Variants in DEPDC5 observed in about 807,000 individuals in gnomAD.
The protein encoded by DEPDC5 is GATOR1 complex protein DEPDC5.
Under a neutral mutation model 217.3 loss-of-function variants are expected in DEPDC5, and 73 were observed. The ratio of observed to expected loss-of-function variants is 0.34; its 90% CI spans 0.28 to 0.41. DEPDC5 has a LOEUF of 0.41. DEPDC5 is among the 10% of genes least tolerant of loss of function. The probability of loss-of-function intolerance (pLI) is 1.00; values close to 1 mark genes in which losing one functional copy is unlikely to be tolerated. For missense variants in DEPDC5, 1,675 were observed against 2,070.1 expected (o/e 0.81, Z 3.70); for synonymous variants, 733 against 756.7 (o/e 0.97, Z 0.51).
chr22:31,798,785 C>T (rs1267896877), intron 14 of DEPDC5, 129 bp downstream of exon 14: 1 of 801,538 alleles, frequency 1.2e-6, no homozygotes, highest in East Asian at 2.9e-5. Flanking sequence ...CAGGACCAGT[C>T]CACAGAATAA....
chr22:31,870,564 A>C (rs1223098247), intron 33 of DEPDC5, 26 bp from the exon 34 acceptor site: 2 of 1,473,598 alleles, frequency 1.4e-6, no homozygotes, highest in African/African-American at 1.4e-5. Context: ...TTTGGAATCA[A>C]GTATTCATTT....
rs200787865 is a variant in DEPDC5, at chr22:31,792,726, T to C, written c.695-19T>C. ...TCTCTTCTCAGCCTGAACTACATAC[T>C]CCGTTTTCTCTATTTCAGATGAATT... On this transcript the variant is annotated intron_variant, in intron 11 of 42. Transcript: ENST00000651528. The C allele has an allele frequency of 2.0e-6, 3 of 1,522,546 alleles. No individual in the cohort carries two copies. Among genetic ancestry groups the C allele is most frequent in the African/African-American group, 2.9e-5 (2 of 69,012 alleles). The allele number at this position is 1,522,546 out of a possible 1,614,324, so 94.3% of individuals were successfully genotyped here.
intron 8 of DEPDC5, among the ~76,000 whole-genome samples, chr22:31,778,899 T>C (rs1217165784): frequency 2.6e-5 from 4 of 152,180 alleles, no homozygotes; most frequent in African/African-American, 9.6e-5. Context: ...TAAAGACATA[T>C]TTGGTTGTCA....
rs1441286725 is a variant in DEPDC5 at position 31,785,095 on chromosome 22, G to T, written c.624+220G>T. ...TAAAAGACTGAAAACTTTCCCCCAA[G>T]ATCAGTAACAAGGTAAGTATGCTTG... On this transcript the variant is annotated intron_variant, in intron 10 of 42. Transcript: ENST00000651528. 8.6e-6 allele frequency: 4 copies of T among 463,226 alleles called. No individual in the cohort carries two copies. In the East Asian group the frequency reaches 1.5e-4, roughly 17 times the overall value. The allele number at this position is 463,226 out of a possible 1,614,324, so 28.7% of individuals were successfully genotyped here. A position where few individuals can be genotyped will look rare whatever the true frequency, so the allele number is the denominator to read the frequency against.
At chr22:31,803,500 C>T (rs560750366) in intron 15 of DEPDC5, among the ~76,000 whole-genome samples, 7 of 152,226 alleles carry the variant, frequency 4.6e-5, no homozygotes, top group African/African-American at 1.7e-4. Context: ...GCATGAGCCA[C>T]CACACCCAGC....
At position 31,837,015 on chromosome 22, in the gene DEPDC5, C is replaced by T. The variant is rs773896963; in HGVS notation, c.2214C>T (p.Cys738=). The T allele has an allele frequency of 3.7e-6, 6 of 1,613,968 alleles. No homozygotes were observed. The African/African-American group carries it at 8.0e-5, about 22-fold the overall frequency. The part of the protein sequence containing the change: ...SAPPVVPGFC[C]TVGVDWKSLT... ...CCCCTGTAGTGCCAGGCTTCTGTTG[C>T]ACAGTTGGAGTGGACTGGAAGTCTC... Residue 738 remains cysteine, a synonymous_variant, in exon 26 of 43, where the codon TGC becomes TGT. Transcript: ENST00000651528.
intron 14 of DEPDC5, 66 bp from the exon 15 acceptor site, chr22:31,802,638 C>G (rs1048778658): frequency 1.0e-5 from 15 of 1,439,376 alleles, no homozygotes; most frequent in Non-Finnish European, 1.4e-5. Flanking sequence ...TGTAGAGATG[C>G]TTGTCTGTGA....
At chr22:31,816,071 G>A (rs575822879) in intron 21 of DEPDC5, 24 of 961,900 alleles carry the variant, frequency 2.5e-5, no homozygotes, top group Non-Finnish European at 2.8e-5. Flanking sequence ...AGGCCAAGGC[G>A]GGTGGATCAC....
intron 12 of DEPDC5, 24 bp from the exon 13 acceptor site, chr22:31,797,576 A>G (rs763338137): frequency 6.9e-6 from 11 of 1,593,722 alleles, no homozygotes; most frequent in East Asian, 2.2e-5. Context: ...CTCAATATCC[A>G]TTTTATGATA....
At chr22:31,842,402 C>A (rs2091447980) in intron 27 of DEPDC5, among the ~76,000 whole-genome samples, 7 of 151,968 alleles carry the variant, frequency 4.6e-5, no homozygotes. Context: ...ATGGAGAAAC[C>A]CCGTCTCCAC....
chr22:31,870,797 T>G (rs2092819012), intron 34 of DEPDC5, 53 bp downstream of exon 34: 2 of 1,439,108 alleles, frequency 1.4e-6, no homozygotes, highest in Non-Finnish European at 1.8e-6. Context: ...GACAGTCTGA[T>G]CTCAAAGGCT....
At chr22:31,845,296 C>T in intron 30 of DEPDC5, 59 bp downstream of exon 30, 1 of 1,555,312 alleles carries the variant, frequency 6.4e-7, no homozygotes, top group Non-Finnish European at 8.7e-7. Context: ...CCTGCCACCT[C>T]CTCTATTAGG....
intron 38 of DEPDC5, chr22:31,879,985 T>G: frequency 1.9e-6 from 1 of 532,474 alleles, no homozygotes. Context: ...AATCAGAACA[T>G]AGTGCCAGAC....
intron 20 of DEPDC5, 140 bp from the exon 21 acceptor site, chr22:31,814,852 A>G (rs901898467): frequency 2.2e-5 from 17 of 786,664 alleles, no homozygotes; most frequent in Admixed American, 9.3e-5. Flanking sequence ...TACCGCATAC[A>G]GGTTTCCCAC....
At chr22:31,836,917 T>G in intron 25 of DEPDC5, 55 bp from the exon 26 acceptor site, 1 of 591,102 alleles carries the variant, frequency 1.7e-6, no homozygotes, top group Non-Finnish European at 3.0e-6. Flanking sequence ...TGGCCCCCCA[T>G]CCCACACTTG....
intron 27 of DEPDC5, among the ~76,000 whole-genome samples, chr22:31,840,044 C>T (rs1178301874): frequency 6.6e-6 from 1 of 152,166 alleles, no homozygotes; most frequent in Non-Finnish European, 1.5e-5. Flanking sequence ...GAAGCACTTA[C>T]TCTGCCTGGC....
chr22:31,788,027 C>G (rs2085196191), intron 10 of DEPDC5, among the ~76,000 whole-genome samples: 1 of 151,828 alleles, frequency 6.6e-6, no homozygotes, highest in Admixed American at 6.6e-5. Context: ...ATGCCTGTAT[C>G]AAAACATCTC....
chr22:31,768,176 A>AT (rs892942961), intron 6 of DEPDC5, among the ~76,000 whole-genome samples: 134 of 150,458 alleles, frequency 8.9e-4, no homozygotes, highest in African/African-American at 3.2e-3. Context: ...GATTCGTGAG[A>AT]TTTTGATGCA....
chr22:31,798,499 C>A, intron 13 of DEPDC5, 83 bp from the exon 14 acceptor site: 2 of 1,229,724 alleles, frequency 1.6e-6, no homozygotes, highest in Non-Finnish European at 2.2e-6. Flanking sequence ...GCCTGGGTGA[C>A]ACAGCAAGGC....
Sources: allele counts gnomAD v4.1 joint callset (sites outside exome capture counted in the v4.1 genomes callset), GRCh38; gene constraint gnomAD v4.1.1; transcripts MANE v1.5; gene names NCBI Gene and HGNC (gene_info 2026-07-23, HGNC 2026-07-21).